LPAR1: variants seen among roughly 807,000 people sequenced by gnomAD.
LPAR1 encodes the protein LPA receptor 1.
Under a neutral mutation model 23.8 loss-of-function variants are expected in LPAR1, and 5 were observed. That is an observed-to-expected ratio of 0.21 (90% CI 0.11 to 0.44). The LOEUF (loss-of-function observed/expected upper bound fraction) is 0.44, where lower values mean the gene tolerates loss of function less well. LPAR1 is among the 20% of genes least tolerant of loss of function. LPAR1 has a pLI of 0.99. For missense variants in LPAR1, 311 were observed against 482.8 expected (o/e 0.64, Z 3.33); for synonymous variants, 160 against 164.7 (o/e 0.97, Z 0.22).
chr9:111,011,820 G>C (rs1395114427), intron 2 of LPAR1, among the ~76,000 whole-genome samples: 1 of 152,176 alleles, frequency 6.6e-6, no homozygotes, highest in Non-Finnish European at 1.5e-5. Flanking sequence ...AATGTCTACA[G>C]TTTGATAAAA....
At chr9:110,928,814 A>G (rs1032809007) in intron 5 of LPAR1, among the ~76,000 whole-genome samples, 1 of 152,248 alleles carries the variant, frequency 6.6e-6, no homozygotes, top group Non-Finnish European at 1.5e-5. Context: ...TGCTGGCTAC[A>G]GCAAAACCTT....
At chr9:110,926,556 G>A (rs1006131609) in intron 5 of LPAR1, among the ~76,000 whole-genome samples, 2 of 152,082 alleles carry the variant, frequency 1.3e-5, no homozygotes, top group South Asian at 4.1e-4. Context: ...TAATTTACAG[G>A]TGACAAATTT....
chr9:110,969,540 C>T (rs1171991154), intron 4 of LPAR1, among the ~76,000 whole-genome samples: 4 of 151,896 alleles, frequency 2.6e-5, no homozygotes, highest in Non-Finnish European at 4.4e-5. Flanking sequence ...GGTGAAACCC[C>T]GTCTCTACTA....
At chr9:110,974,081 C>T (rs940250765) in intron 2 of LPAR1, among the ~76,000 whole-genome samples, 4 of 152,096 alleles carry the variant, frequency 2.6e-5, no homozygotes, top group Admixed American at 2.6e-4. Flanking sequence ...ATCACTAGAA[C>T]CCAGGAGGCG....
rs150409178 is a variant in LPAR1 at position 110,978,153 on chromosome 9, T to C, written c.-181-4595A>G. On this transcript the variant is annotated intron_variant, in intron 2 of 5. Coordinates refer to ENST00000683809, the MANE Select transcript of LPAR1 (RefSeq NM_001351411.2). ...CATGTTCTTAAAATTCCAGGGGACA[T>C]AGTAGAATCTTTGCACATAGAGCAG... Among the ~76,000 whole-genome samples, 1,073 of 152,184 alleles carry C rather than the reference T, an allele frequency of 7.1e-3. 12 individuals carry two copies. The highest frequency in any genetic ancestry group is 0.024 in the African/African-American group (1,007 of 41,514).
chr9:110,972,384 A>G (rs2096452196), intron 3 of LPAR1, among the ~76,000 whole-genome samples, 164 bp from the exon 4 acceptor site: 1 of 152,150 alleles, frequency 6.6e-6, no homozygotes, highest in African/African-American at 2.4e-5. Flanking sequence ...AAAAGCCACG[A>G]CTTCTGTGCT....
At position 110,972,090 on chromosome 9, in the gene LPAR1, C is replaced by T; in HGVS notation, c.28G>A (p.Val10Ile). 1 of 1,613,936 alleles carries T rather than the reference C, an allele frequency of 6.2e-7. No individual in the cohort carries two copies. The highest frequency in any genetic ancestry group is 8.5e-7 in the Non-Finnish European group (1 of 1,179,892). Residue 10 changes from valine (V) to isoleucine (I), a missense_variant, in exon 4 of 6, where the codon GTA becomes ATA. Val to Ile is a conservative substitution (Grantham distance 29, BLOSUM62 3). Coordinates refer to ENST00000683809, the MANE Select transcript of LPAR1 (RefSeq NM_001351411.2). MAAISTSIP[V>I]ISQPQFTAMN... ...GCCCTTACCTGGGGCTGTGAAATTA[C>T]AGGGATGGAAGTAGAGATGGCAGCC... is the stretch of plus-strand genomic sequence containing the variant.
intron 2 of LPAR1, among the ~76,000 whole-genome samples, chr9:111,027,434 G>C (rs1235982451): frequency 6.6e-6 from 1 of 152,184 alleles, no homozygotes; most frequent in Non-Finnish European, 1.5e-5. Context: ...CCAGGAGTTT[G>C]AGGCCACAGT....
At chr9:111,025,157 C>A (rs2097665136) in intron 2 of LPAR1, among the ~76,000 whole-genome samples, 2 of 152,178 alleles carry the variant, frequency 1.3e-5, no homozygotes. Context: ...CTAATTTACA[C>A]TCCCACCAAC....
At chr9:110,905,343 T>TTTA (rs1452639650) in intron 5 of LPAR1, among the ~76,000 whole-genome samples, 1 of 135,010 alleles carries the variant, frequency 7.4e-6, no homozygotes, top group African/African-American at 3.6e-5. Flanking sequence ...TTTGCTTTTT[T>TTTA]TTATTATTTT....
At chr9:110,970,682 T>C (rs1158778851) in intron 4 of LPAR1, among the ~76,000 whole-genome samples, 3 of 152,074 alleles carry the variant, frequency 2.0e-5, no homozygotes, top group Admixed American at 6.6e-5. Flanking sequence ...CTCTCCTCCT[T>C]CTCTCCTTCT....
intron 5 of LPAR1, among the ~76,000 whole-genome samples, chr9:110,888,473 T>G (rs1211760057): frequency 6.6e-6 from 1 of 152,058 alleles, no homozygotes; most frequent in Non-Finnish European, 1.5e-5. Context: ...CTAATTTTCA[T>G]AGAAACGATG....
intron 2 of LPAR1, among the ~76,000 whole-genome samples, chr9:110,976,366 C>T (rs942796941): frequency 3.3e-5 from 5 of 151,064 alleles, no homozygotes; most frequent in African/African-American, 9.7e-5. Flanking sequence ...TTTAGCCAGG[C>T]GTGGCGGCAG....
intron 2 of LPAR1, among the ~76,000 whole-genome samples, chr9:111,021,227 C>T (rs1046077675): frequency 6.6e-6 from 1 of 152,078 alleles, no homozygotes; most frequent in Non-Finnish European, 1.5e-5. Flanking sequence ...GGTGACGATA[C>T]TTAATAGTAC....
At position 110,948,446 on chromosome 9, in the gene LPAR1, T is replaced by C. The variant is rs73657206; in HGVS notation, c.46-6278A>G. Among the ~76,000 whole-genome samples the C allele has an allele frequency of 8.5e-3, 1,294 of 152,334 alleles. 22 individuals are homozygous for C. Among genetic ancestry groups the C allele is most frequent in the African/African-American group, 0.029 (1,219 of 41,588 alleles). On this transcript the variant is annotated intron_variant, in intron 4 of 5. Coordinates refer to ENST00000683809, the MANE Select transcript of LPAR1 (RefSeq NM_001351411.2). Reference sequence around the variant, plus strand: ...TTATCTGAAAAAGTACATAAAATGCTACTTCTTATAAAATAATAATGTATA... The same window carrying C: ...TTATCTGAAAAAGTACATAAAATGCCACTTCTTATAAAATAATAATGTATA...
chr9:110,922,290 C>A (rs1017192128), intron 5 of LPAR1, among the ~76,000 whole-genome samples: 1 of 152,110 alleles, frequency 6.6e-6, no homozygotes, highest in Non-Finnish European at 1.5e-5. Flanking sequence ...CTCTGAACTA[C>A]GAGCATAAAG....
At chr9:110,960,606 T>C (rs1228364625) in intron 4 of LPAR1, among the ~76,000 whole-genome samples, 4 of 152,188 alleles carry the variant, frequency 2.6e-5, no homozygotes, top group Non-Finnish European at 5.9e-5. Context: ...TATTGCATTA[T>C]AACTCCCTGT....
intron 5 of LPAR1, among the ~76,000 whole-genome samples, chr9:110,920,350 C>T (rs2093538862): frequency 6.6e-6 from 1 of 152,158 alleles, no homozygotes; most frequent in South Asian, 2.1e-4. Flanking sequence ...GTGATGAATA[C>T]AATGCTTTGG....
In LPAR1 at chr9:111,036,194, G is replaced by A. The variant is rs1255703218; in HGVS notation, c.-254C>T. ...TGAGTGCCCACAGACCTGGGCAGGA[G>A]CTGTTCCCTTGAGAGACAATGATGC... On this transcript the variant is annotated 5_prime_UTR_variant, in exon 2 of 6. Coordinates refer to ENST00000683809, the MANE Select transcript of LPAR1 (RefSeq NM_001351411.2). The A allele has an allele frequency of 6.6e-6, 1 of 152,236 alleles. No homozygotes were observed. Among genetic ancestry groups the A allele is most frequent in the Non-Finnish European group, 1.5e-5 (1 of 68,066 alleles). The allele number at this position is 152,236 out of a possible 1,614,324, so 9.4% of individuals were successfully genotyped here. A position where few individuals can be genotyped will look rare whatever the true frequency, so the allele number is the denominator to read the frequency against.
Sources: gnomAD v4.1 joint callset for allele counts (sites outside exome capture counted in the v4.1 genomes callset) on GRCh38, gnomAD v4.1.1 for gene constraint, MANE v1.5 for transcripts, NCBI Gene and HGNC (gene_info 2026-07-23, HGNC 2026-07-21) for gene names.